Variants in ADAMTS16 observed in about 807,000 individuals in gnomAD.
ADAMTS16 encodes the protein ADAM metallopeptidase with thrombospondin type 1 motif 16.
ADAMTS16 carries 94 observed loss-of-function variants against 145.8 expected under a neutral mutation model. The ratio of observed to expected loss-of-function variants is 0.64; its 90% CI spans 0.55 to 0.77. ADAMTS16 has a LOEUF of 0.77. ADAMTS16 is among the 30% of genes least tolerant of loss of function. The pLI, the probability that ADAMTS16 is intolerant of heterozygous loss-of-function variation, is 0.00. For synonymous variants in ADAMTS16, 659 were observed against 604.3 expected, an observed-to-expected ratio of 1.09 and a Z score of -1.33; for missense variants, 1,585 against 1,591.5, an observed-to-expected ratio of 1.00 and a Z score of 0.07.
At chr5:5,305,351 C>T (rs974526473) in intron 20 of ADAMTS16, among the ~76,000 whole-genome samples, 1 of 115,192 alleles carries the variant, frequency 8.7e-6, no homozygotes, top group Non-Finnish European at 1.9e-5. Flanking sequence ...ACACACATCC[C>T]ACACCACACA....
chr5:5,244,523 T>G (rs1737384008), intron 17 of ADAMTS16, among the ~76,000 whole-genome samples: 2 of 152,206 alleles, frequency 1.3e-5, no homozygotes, highest in Admixed American at 1.3e-4. Flanking sequence ...AAGCCTTTCA[T>G]GTCTGTGAAG....
At chr5:5,150,213 T>C (rs1425104501) in intron 3 of ADAMTS16, among the ~76,000 whole-genome samples, 1 of 152,232 alleles carries the variant, frequency 6.6e-6, no homozygotes, top group Non-Finnish European at 1.5e-5. Flanking sequence ...TCTCTCTTTT[T>C]AAATAGCCAT....
rs1227552176 is a variant in ADAMTS16 at position 5,219,921 on chromosome 5, G to C, written c.1606-2868G>C. 6.6e-5 allele frequency among the ~76,000 whole-genome samples: 10 copies of C among 152,160 alleles called. 1 individual carries two copies. ...AACTAAAACCTAAGAATATTCTGAA[G>C]TTACTCTGAATGGTAGTCTGAATCA... On this transcript the variant is annotated intron_variant, in intron 10 of 22. Transcript: ENST00000274181.
intron 16 of ADAMTS16, among the ~76,000 whole-genome samples, chr5:5,241,072 C>G (rs181722672): frequency 6.6e-6 from 1 of 151,972 alleles, no homozygotes; most frequent in Non-Finnish European, 1.5e-5. Flanking sequence ...TGGGCTTATA[C>G]CTGTCCCACA....
At chr5:5,309,862 G>A (rs1398994930) in intron 21 of ADAMTS16, among the ~76,000 whole-genome samples, 2 of 149,670 alleles carry the variant, frequency 1.3e-5, no homozygotes, top group Non-Finnish European at 3.0e-5. Flanking sequence ...GTGTGCATGT[G>A]ATCAGAAGAG....
At chr5:5,198,627 A>T (rs2126588426) in intron 8 of ADAMTS16, among the ~76,000 whole-genome samples, 1 of 152,324 alleles carries the variant, frequency 6.6e-6, no homozygotes, top group East Asian at 1.9e-4. Flanking sequence ...GTTTTAAATT[A>T]GAATATAGGT....
chr5:5,240,110 C>T (rs1220559148), intron 16 of ADAMTS16, among the ~76,000 whole-genome samples, 185 bp downstream of exon 16: 1 of 152,166 alleles, frequency 6.6e-6, no homozygotes, highest in Non-Finnish European at 1.5e-5. Flanking sequence ...TGTATGATTA[C>T]GTTTGTATTT....
In ADAMTS16 at chr5:5,258,851, A is replaced by T. The variant is rs566488330; in HGVS notation, c.2663-3806A>T. Among the ~76,000 whole-genome samples, 146 of 150,614 alleles carry T rather than the reference A, an allele frequency of 9.7e-4. 4 individuals are homozygous for T. The South Asian group carries it at 0.024, about 25-fold the overall frequency. The stretch of plus-strand genomic sequence containing the variant: ...ATATGTATATGTATATATATATATA[A>T]TTTTTTTTAGTATTTATTGATCATT... On this transcript the variant is annotated intron_variant, in intron 17 of 22. Transcript: ENST00000274181.
At chr5:5,232,304 A>G (rs1736951106) in intron 11 of ADAMTS16, 64 bp from the exon 12 acceptor site, 11 of 1,589,620 alleles carry the variant, frequency 6.9e-6, no homozygotes, top group South Asian at 1.1e-5. Context: ...TATAGCAGTG[A>G]TGAGATGAAC....
chr5:5,244,593 A>G (rs1737386075), intron 17 of ADAMTS16, among the ~76,000 whole-genome samples: 1 of 152,228 alleles, frequency 6.6e-6, no homozygotes, highest in Non-Finnish European at 1.5e-5. Flanking sequence ...CTCAGAGGTT[A>G]CAGGTAACTT....
At chr5:5,239,008 A>G (rs1737201516) in intron 14 of ADAMTS16, 143 bp from the exon 15 acceptor site, 2 of 866,680 alleles carry the variant, frequency 2.3e-6, no homozygotes. Flanking sequence ...CATATTAGGT[A>G]TCCAATAAAT....
Position 5,239,205 on chromosome 5 carries a change from G to T in ADAMTS16, c.2209G>T (p.Val737Leu), listed in dbSNP as rs566228851. 4.4e-6 allele frequency: 7 copies of T among 1,603,302 alleles called. No individual in the cohort carries two copies. In the South Asian group the frequency reaches 7.8e-5, roughly 18 times the overall value. Residue 737 changes from valine (V) to leucine (L), a missense_variant, in exon 15 of 23, where the codon GTG (valine) becomes TTG (leucine). Transcript: ENST00000274181. ...GSDAVEDVCG[V>L]CNGNNSACTI... ...TGATGCTGTTGAAGACGTCTGTGGGGTGTGTAACGGGAATAACTCAGCCTG... is the reference window on the plus strand; with the variant it reads ...TGATGCTGTTGAAGACGTCTGTGGGTTGTGTAACGGGAATAACTCAGCCTG...
At chr5:5,140,597 A>T in intron 1 of ADAMTS16, 58 bp downstream of exon 1, 1 of 1,516,648 alleles carries the variant, frequency 6.6e-7, no homozygotes, top group South Asian at 1.2e-5. Context: ...GCTGGAGGCG[A>T]GTCCCCCGCG....
Position 5,315,450 on chromosome 5 carries a change from C to CAA in ADAMTS16, c.3412-2674_3412-2673dup, listed in dbSNP as rs34004364. 3.4e-3 allele frequency among the ~76,000 whole-genome samples: 505 copies of CAA among 147,374 alleles called. 6 individuals are homozygous for CAA. Among genetic ancestry groups the CAA allele is most frequent in the South Asian group, 0.024 (111 of 4,678 alleles). On this transcript the variant is annotated intron_variant, in intron 21 of 22. Transcript: ENST00000274181. ...TTATTTTGGAACTGTTTAAATGATA[C>CAA]AAAAAAAAAAACCAATGGCTAGATC... is the stretch of plus-strand genomic sequence containing the variant.
chr5:5,306,879 G>T lies in ADAMTS16; in HGVS notation c.3411+151G>T, dbSNP rs573792064. 4 of 806,826 alleles carry T rather than the reference G, an allele frequency of 5.0e-6. No individual in the cohort carries two copies. In the South Asian group the frequency reaches 7.4e-5, roughly 15 times the overall value. The allele number at this position is 806,826 out of a possible 1,614,324, so 50.0% of individuals were successfully genotyped here. A position where few individuals can be genotyped will look rare whatever the true frequency, so the allele number is the denominator to read the frequency against. ...TTTCTTTCCAGAGCATGTGCGGGTG[G>T]CCTGGTTCCTGGGTGTGGGTGTGGC... On this transcript the variant is annotated intron_variant, in intron 21 of 22. Coordinates refer to ENST00000274181, the MANE Select transcript of ADAMTS16 (RefSeq NM_139056.4).
intron 17 of ADAMTS16, among the ~76,000 whole-genome samples, chr5:5,256,137 C>G (rs543645698): frequency 5.9e-5 from 9 of 152,294 alleles, no homozygotes; most frequent in African/African-American, 1.9e-4. Flanking sequence ...ACCTTATGTG[C>G]TTTTCATCCA....
chr5:5,167,545 A>G (rs1431936974), intron 3 of ADAMTS16, among the ~76,000 whole-genome samples: 29 of 152,220 alleles, frequency 1.9e-4, no homozygotes, highest in South Asian at 2.1e-4. Flanking sequence ...TTGATTAATC[A>G]GTCTAGGTTG....
intron 9 of ADAMTS16, among the ~76,000 whole-genome samples, chr5:5,202,670 A>G (rs1195661892): frequency 1.3e-5 from 2 of 152,186 alleles, no homozygotes; most frequent in African/African-American, 4.8e-5. Context: ...TCCTTTCTAT[A>G]GTTTTCTAGA....
At chr5:5,148,764 A>G (rs1734367923) in intron 3 of ADAMTS16, among the ~76,000 whole-genome samples, 1 of 152,200 alleles carries the variant, frequency 6.6e-6, no homozygotes. Flanking sequence ...GACCTTGAGA[A>G]CTATGTATGG....
Sources: gnomAD v4.1 joint callset for allele counts (sites outside exome capture counted in the v4.1 genomes callset) on GRCh38, gnomAD v4.1.1 for gene constraint, MANE v1.5 for transcripts, NCBI Gene and HGNC (gene_info 2026-07-23, HGNC 2026-07-21) for gene names.